The following STAG1 variants were observed in gnomAD, a reference collection of about 807,000 sequenced individuals.
STAG1 encodes the protein STAG1 cohesin complex component.
Under a neutral mutation model 170.9 loss-of-function variants are expected in STAG1, and 26 were observed. That is an observed-to-expected ratio of 0.15 (90% confidence interval 0.11 to 0.21). The LOEUF (loss-of-function observed/expected upper bound fraction) is 0.21. STAG1 is among the 10% of genes least tolerant of loss of function. The pLI is 1.00. For synonymous variants in STAG1, 514 were observed against 497.7 expected (o/e 1.03, Z -0.44); for missense variants, 964 against 1,509.5 (o/e 0.64, Z 5.99).
At chr3:136,690,697 C>A (rs1444704411) in intron 1 of STAG1, among the ~76,000 whole-genome samples, 2 of 152,004 alleles carry the variant, frequency 1.3e-5, no homozygotes, top group Non-Finnish European at 2.9e-5. Context: ...ACTGTTACAT[C>A]AAGAAGAGTT....
intron 10 of STAG1, among the ~76,000 whole-genome samples, chr3:136,474,821 A>G (rs892379205): frequency 2.0e-5 from 3 of 152,132 alleles, no homozygotes; most frequent in Non-Finnish European, 4.4e-5. Flanking sequence ...ATGGTTCAAT[A>G]TCTCTATCTT....
At chr3:136,713,374 G>C (rs935297540) in intron 1 of STAG1, among the ~76,000 whole-genome samples, 4 of 151,972 alleles carry the variant, frequency 2.6e-5, no homozygotes, top group Non-Finnish European at 5.9e-5. Context: ...CTTGAGGTCA[G>C]GAGTTCAAGA....
chr3:136,575,116 G>A (rs1937407417), intron 4 of STAG1, among the ~76,000 whole-genome samples: 1 of 152,130 alleles, frequency 6.6e-6, no homozygotes, highest in South Asian at 2.1e-4. Context: ...CTACAGTAGT[G>A]TTTACAAGAA....
chr3:136,593,877 T>C (rs1938302905), intron 4 of STAG1, among the ~76,000 whole-genome samples: 2 of 152,338 alleles, frequency 1.3e-5, no homozygotes, highest in South Asian at 2.1e-4. Context: ...TTAACTTCAT[T>C]ACAGTATTTC....
intron 1 of STAG1, among the ~76,000 whole-genome samples, chr3:136,651,545 A>G (rs535335072): frequency 6.6e-6 from 1 of 152,222 alleles, no homozygotes; most frequent in African/African-American, 2.4e-5. Flanking sequence ...TTGTAGTAAA[A>G]TTTTGTAGCA....
chr3:136,602,450 A>T (rs1290683094), intron 4 of STAG1, among the ~76,000 whole-genome samples: 3 of 152,130 alleles, frequency 2.0e-5, no homozygotes, highest in Non-Finnish European at 4.4e-5. Flanking sequence ...TTTACATAAA[A>T]ATACATTTCT....
At chr3:136,460,326 G>A (rs1300845229) in intron 13 of STAG1, among the ~76,000 whole-genome samples, 1 of 152,136 alleles carries the variant, frequency 6.6e-6, no homozygotes, top group African/African-American at 2.4e-5. Context: ...AAACTGCCGG[G>A]CACGGTGGCT....
At chr3:136,379,855 C>T (rs1011451313) in intron 22 of STAG1, among the ~76,000 whole-genome samples, 5 of 152,114 alleles carry the variant, frequency 3.3e-5, no homozygotes, top group Non-Finnish European at 5.9e-5. Flanking sequence ...TAAAATATCA[C>T]GTTAAATCAT....
intron 9 of STAG1, 44 bp downstream of exon 9, chr3:136,500,179 T>G: frequency 8.0e-7 from 1 of 1,250,008 alleles, no homozygotes; most frequent in Non-Finnish European, 1.1e-6. Context: ...AATCAATAAT[T>G]GTTTAAGTGA....
intron 6 of STAG1, among the ~76,000 whole-genome samples, chr3:136,526,214 T>C (rs908730621): frequency 6.6e-6 from 1 of 152,190 alleles, no homozygotes; most frequent in African/African-American, 2.4e-5. Flanking sequence ...CCTCTCATAA[T>C]TATTGTGTGG....
intron 5 of STAG1, 106 bp from the exon 6 acceptor site, chr3:136,542,301 C>G (rs1169135136): frequency 1.3e-6 from 1 of 772,802 alleles, no homozygotes; most frequent in Non-Finnish European, 2.1e-6. Context: ...AAAGAATAAC[C>G]TTCCAACATA....
intron 3 of STAG1, among the ~76,000 whole-genome samples, chr3:136,613,694 C>T (rs879916969): frequency 1.3e-5 from 2 of 152,060 alleles, no homozygotes; most frequent in African/African-American, 2.4e-5. Context: ...ACCATGTTGG[C>T]CAGGCTGGTC....
At chr3:136,596,328 T>G (rs898674810) in intron 4 of STAG1, among the ~76,000 whole-genome samples, 1 of 152,226 alleles carries the variant, frequency 6.6e-6, no homozygotes, top group African/African-American at 2.4e-5. Flanking sequence ...GGCAAGACTT[T>G]CCACTAGCAA....
intron 13 of STAG1, among the ~76,000 whole-genome samples, chr3:136,455,580 G>A (rs1191393866): frequency 6.6e-6 from 1 of 152,218 alleles, no homozygotes; most frequent in Non-Finnish European, 1.5e-5. Flanking sequence ...ATAGGGTGCT[G>A]ATCACAGCAA....
intron 21 of STAG1, among the ~76,000 whole-genome samples, chr3:136,416,312 G>C (rs1190711649): frequency 6.6e-6 from 1 of 152,030 alleles, no homozygotes; most frequent in Admixed American, 6.6e-5. Context: ...AGCCCCTAAA[G>C]CCACAAAACT....
At chr3:136,716,055 G>A (rs184913861) in intron 1 of STAG1, among the ~76,000 whole-genome samples, 2 of 151,940 alleles carry the variant, frequency 1.3e-5, no homozygotes, top group East Asian at 1.9e-4. Flanking sequence ...CCACGATGGC[G>A]CCACTGCACT....
chr3:136,380,542 G>C (rs183269828), intron 22 of STAG1, among the ~76,000 whole-genome samples: 2 of 151,852 alleles, frequency 1.3e-5, no homozygotes, highest in African/African-American at 4.8e-5. Context: ...GCCCAGCCAG[G>C]GATAATTTAG....
Position 136,604,315 on chromosome 3 carries a change from T to C in STAG1, c.291A>G (p.Ala97=), listed in dbSNP as rs372848033. The change falls in exon 4 of 34, where the codon GCA becomes GCG. Residue 97 remains alanine (A), a synonymous_variant. Transcript: ENST00000383202. ...LFEVVKLGKS[A]MQSVVDDWIE... ...ATAAAAACTTAAAATTTACCTGCAT[T>C]GCACTTTTCCCCAGTTTCACCACCT... 1 of 1,604,284 alleles carries C rather than the reference T, an allele frequency of 6.2e-7. No individual in the cohort carries two copies. The highest frequency in any genetic ancestry group is 8.5e-7 in the Non-Finnish European group (1 of 1,177,798).
intron 9 of STAG1, among the ~76,000 whole-genome samples, chr3:136,484,181 T>C (rs2107832873): frequency 6.6e-6 from 1 of 151,190 alleles, no homozygotes; most frequent in East Asian, 2.0e-4. Context: ...CCAGTTTTTC[T>C]GTTCTGTTTT....
Sources: gnomAD v4.1 joint callset for allele counts (sites outside exome capture counted in the v4.1 genomes callset) on GRCh38, gnomAD v4.1.1 for gene constraint, MANE v1.5 for transcripts, NCBI Gene and HGNC (gene_info 2026-07-23, HGNC 2026-07-21) for gene names.